The following LINGO1 variants were observed in gnomAD, a reference collection of about 807,000 sequenced individuals.
The protein encoded by LINGO1 is leucine-rich repeat and immunoglobulin-like domain-containing nogo receptor-interacting protein 1.
In LINGO1, 11 loss-of-function variants were observed where a neutral mutation model predicts 37.3. The observed-to-expected ratio is 0.29, with a 90% CI of 0.19 to 0.49. The LOEUF is 0.49. Ranked by LOEUF, LINGO1 falls within the 20% of genes least tolerant of loss-of-function variation. LINGO1 has a pLI of 0.99. For missense variants in LINGO1, 585 were observed against 878.2 expected (o/e 0.67, Z 4.22); for synonymous variants, 387 against 403.0 (o/e 0.96, Z 0.48).
intron 1 of LINGO1, among the ~76,000 whole-genome samples, chr15:77,757,038 C>T (rs1490144749): frequency 6.6e-6 from 1 of 152,198 alleles, no homozygotes; most frequent in Admixed American, 6.5e-5. Context: ...GAAATGAAGC[C>T]CAAGCCTGGG....
At chr15:77,664,366 T>C (rs1235832118) in intron 3 of LINGO1, among the ~76,000 whole-genome samples, 1 of 152,032 alleles carries the variant, frequency 6.6e-6, no homozygotes, top group East Asian at 1.9e-4. Flanking sequence ...CACCAGGAGC[T>C]GGTGCCCCAG....
At position 77,665,652 on chromosome 15, in the gene LINGO1, G is replaced by T. The variant is rs116707567; in HGVS notation, c.-13+11437C>A. The stretch of plus-strand genomic sequence containing the variant: ...CCCTCCACAGCTAGCTGGCTTAGTC[G>T]CCATGCTGGGAATTCCACCCGCCTG... On this transcript the variant is annotated intron_variant, in intron 3 of 3. Coordinates refer to the LINGO1 transcript ENST00000559893. Among the ~76,000 whole-genome samples the T allele has an allele frequency of 7.7e-3, 1,167 of 152,262 alleles. 23 individuals are homozygous for T. Among genetic ancestry groups the T allele is most frequent in the African/African-American group, 0.027 (1,125 of 41,546 alleles).
chr15:77,652,106 G>T (rs2074770480), intron 3 of LINGO1: 6 of 152,202 alleles, frequency 3.9e-5, no homozygotes, highest in Admixed American at 3.9e-4. Context: ...GGCACGAATA[G>T]ACCGCAGAGT....
At chr15:77,775,755 G>C (rs896852375) in intron 1 of LINGO1, among the ~76,000 whole-genome samples, 1 of 152,196 alleles carries the variant, frequency 6.6e-6, no homozygotes, top group Non-Finnish European at 1.5e-5. Context: ...TAAAGAGTTA[G>C]TTTCCTAAGT....
At chr15:77,695,504 G>C (rs760336403) in intron 1 of LINGO1, among the ~76,000 whole-genome samples, 5 of 152,190 alleles carry the variant, frequency 3.3e-5, no homozygotes, top group Non-Finnish European at 7.4e-5. Context: ...AGTGTTCCCT[G>C]GGCTCATCCC....
chr15:77,669,132 G>T (rs1263269631), intron 3 of LINGO1, among the ~76,000 whole-genome samples: 1 of 152,260 alleles, frequency 6.6e-6, no homozygotes, highest in Non-Finnish European at 1.5e-5. Context: ...TTCTGGCCTG[G>T]GCCGCCACTG....
chr15:77,661,769 A>T (rs1015136516), intron 3 of LINGO1, among the ~76,000 whole-genome samples: 1 of 152,184 alleles, frequency 6.6e-6, no homozygotes, highest in Non-Finnish European at 1.5e-5. Context: ...CTGAGCAAAC[A>T]GAGACAGCAT....
chr15:77,616,038 C>T, intron 1 of LINGO1, 138 bp from the exon 2 acceptor site: 2 of 574,966 alleles, frequency 3.5e-6, no homozygotes, highest in South Asian at 7.8e-5. Context: ...GTCCAGATGC[C>T]CAGGCCAGAG....
chr15:77,647,869 C>T (rs1277809903), intron 3 of LINGO1: 1 of 456,662 alleles, frequency 2.2e-6, no homozygotes, highest in Non-Finnish European at 4.4e-6. Flanking sequence ...AGCTGGGCTG[C>T]TGGAGTCACA....
chr15:77,656,537 C>T lies in LINGO1; in HGVS notation c.-13+20552G>A, dbSNP rs1235621224. ...CCATATGGTGAGACTCGTGTGGCAC[C>T]GGCTCAGAGGGGCCTTGGGGTCTGG... On this transcript the variant is annotated intron_variant, in intron 3 of 3. Coordinates refer to the LINGO1 transcript ENST00000559893. Among the ~76,000 whole-genome samples the T allele has an allele frequency of 2.0e-5, 3 of 152,188 alleles. 1 individual carries two copies. Among genetic ancestry groups the T allele is most frequent in the Admixed American group, 1.3e-4 (2 of 15,284 alleles).
At chr15:77,790,642 T>C (rs1393906000), upstream of LINGO1, among the ~76,000 whole-genome samples, 1 of 151,890 alleles carries the variant, frequency 6.6e-6, no homozygotes, top group Non-Finnish European at 1.5e-5. Context: ...GGGAGGCAGG[T>C]CCTCCACCAA....
intron 1 of LINGO1, among the ~76,000 whole-genome samples, chr15:77,753,276 G>A (rs947163679): frequency 1.3e-5 from 2 of 152,226 alleles, no homozygotes; most frequent in African/African-American, 4.8e-5. Context: ...GGGGAGTTCA[G>A]AGACCAGGGC....
chr15:77,732,402 C>T (rs961081961), intron 2 of LINGO1, among the ~76,000 whole-genome samples: 4 of 152,252 alleles, frequency 2.6e-5, no homozygotes, highest in African/African-American at 7.2e-5. Flanking sequence ...CACCCACCCC[C>T]GTGGTTCTGC....
At chr15:77,684,817 G>A (rs1406629816) in intron 2 of LINGO1, among the ~76,000 whole-genome samples, 1 of 152,158 alleles carries the variant, frequency 6.6e-6, no homozygotes, top group African/African-American at 2.4e-5. Context: ...GGGGGCAACT[G>A]GCCCAGGAAG....
At chr15:77,760,064 G>A (rs2076459304) in intron 1 of LINGO1, among the ~76,000 whole-genome samples, 1 of 152,216 alleles carries the variant, frequency 6.6e-6, no homozygotes, top group African/African-American at 2.4e-5. Flanking sequence ...TAAGGAGGCG[G>A]CTTTTTTTTC....
intron 2 of LINGO1, among the ~76,000 whole-genome samples, chr15:77,705,206 C>CACACACACACACACACA (rs57434698): frequency 2.0e-4 from 30 of 149,070 alleles, no homozygotes; most frequent in Middle Eastern, 3.4e-3. Flanking sequence ...CACACACACA[C>CACACACACACACACACA]CAGTCCACTT....
chr15:77,732,566 G>T lies in LINGO1; in HGVS notation c.-195+2426C>A, dbSNP rs182761007. ...GCAAGACCCTTTCCCCATGCCTGCT[G>T]GGCAGTGCCAGGTGGACTGAGGTCC... is the stretch of plus-strand genomic sequence containing the variant. On this transcript the variant is annotated intron_variant, in intron 2 of 3. Transcript: ENST00000561686. 9.2e-5 allele frequency among the ~76,000 whole-genome samples: 14 copies of T among 152,330 alleles called. No homozygotes were observed. In the East Asian group the frequency reaches 1.5e-3, roughly 17 times the overall value.
At chr15:77,679,092 G>C (rs1475084580) in intron 2 of LINGO1, among the ~76,000 whole-genome samples, 1 of 152,024 alleles carries the variant, frequency 6.6e-6, no homozygotes, top group Non-Finnish European at 1.5e-5. Context: ...GTAGAGATGG[G>C]GTTTCACCAT....
intron 3 of LINGO1, among the ~76,000 whole-genome samples, chr15:77,664,171 G>GCGCA (rs2075072599): frequency 3.4e-5 from 3 of 88,258 alleles, no homozygotes; most frequent in Non-Finnish European, 7.2e-5. Flanking sequence ...GTGTGTGTGT[G>GCGCA]CGCGCGCGCA....
Sources: gnomAD v4.1 joint callset for allele counts (sites outside exome capture counted in the v4.1 genomes callset) on GRCh38, gnomAD v4.1.1 for gene constraint, MANE v1.5 for transcripts, NCBI Gene and HGNC (gene_info 2026-07-23, HGNC 2026-07-21) for gene names.